Variants in MACROD2 observed in about 807,000 individuals in gnomAD.
The protein encoded by MACROD2 is mono-ADP ribosylhydrolase 2, also known as ADP-ribose glycohydrolase MACROD2.
MACROD2 carries 36 observed loss-of-function variants against 70.4 expected under a neutral mutation model. That is an observed-to-expected ratio of 0.51 (90% CI 0.39 to 0.68). MACROD2 has a LOEUF of 0.68. Among genes scored for constraint, MACROD2 ranks in the 30% least tolerant of loss-of-function variants. MACROD2 has a pLI of 0.00. For missense variants in MACROD2, 496 were observed against 538.4 expected (o/e 0.92, Z 0.78); for synonymous variants, 172 against 178.8 (o/e 0.96, Z 0.30).
intron 8 of MACROD2, among the ~76,000 whole-genome samples, chr20:15,508,954 G>A (rs2146508214): frequency 6.6e-6 from 1 of 152,308 alleles, no homozygotes; most frequent in South Asian, 2.1e-4. Flanking sequence ...AAATGCAATG[G>A]CCACCCATTT....
intron 5 of MACROD2, among the ~76,000 whole-genome samples, chr20:15,006,139 ATATGTGTGTGTGTGTGTGTGTG>A (rs1362993796): frequency 1.1e-5 from 1 of 95,020 alleles, no homozygotes; most frequent in African/African-American, 4.0e-5. Flanking sequence ...TTATATATAT[ATATGTGTGTGTGTGTGTGTGTG>A]TGTGTGTGTG....
intron 3 of MACROD2, among the ~76,000 whole-genome samples, chr20:14,356,697 G>T (rs903371046): frequency 1.3e-5 from 2 of 151,870 alleles, no homozygotes; most frequent in Non-Finnish European, 2.9e-5. Flanking sequence ...TAGAGATGAG[G>T]TTTCACCATG....
chr20:15,912,744 T>C (rs1043224545), intron 10 of MACROD2, among the ~76,000 whole-genome samples: 18 of 152,188 alleles, frequency 1.2e-4, no homozygotes, highest in African/African-American at 4.1e-4. Flanking sequence ...GAACCGAGAA[T>C]AAAAACCAAA....
At chr20:14,427,202 A>G (rs2083943629) in intron 3 of MACROD2, among the ~76,000 whole-genome samples, 1 of 151,392 alleles carries the variant, frequency 6.6e-6, no homozygotes, top group Non-Finnish European at 1.5e-5. Flanking sequence ...GTCTTTCTTT[A>G]CTTGTCATGC....
intron 8 of MACROD2, among the ~76,000 whole-genome samples, chr20:15,673,164 C>T (rs923000602): frequency 6.6e-6 from 1 of 152,074 alleles, no homozygotes; most frequent in African/African-American, 2.4e-5. Flanking sequence ...CAGAATGAAC[C>T]TGATGTATAG....
intron 5 of MACROD2, among the ~76,000 whole-genome samples, chr20:15,014,971 C>T (rs1396038841): frequency 6.6e-6 from 1 of 151,896 alleles, no homozygotes; most frequent in Non-Finnish European, 1.5e-5. Context: ...TCTTCAAAAG[C>T]GAGACCAGCA....
intron 3 of MACROD2, among the ~76,000 whole-genome samples, chr20:14,138,457 G>A (rs1050263123): frequency 1.6e-4 from 25 of 152,130 alleles, no homozygotes; most frequent in Middle Eastern, 6.8e-3. Context: ...TGTTATTTGT[G>A]ACAGTAGTGA....
intron 3 of MACROD2, among the ~76,000 whole-genome samples, chr20:14,480,192 T>C (rs751918386): frequency 8.5e-5 from 13 of 152,198 alleles, no homozygotes; most frequent in Non-Finnish European, 1.6e-4. Context: ...TAATTTAATG[T>C]GACTATTTTA....
rs1324874744 is a variant in MACROD2 at position 15,987,164 on chromosome 20, A to G, written c.1153+6A>G. The G allele has an allele frequency of 1.2e-6, 2 of 1,600,572 alleles. No individual in the cohort carries two copies. The highest frequency in any genetic ancestry group is 3.5e-5 in the Admixed American group (2 of 57,192). On this transcript the variant is annotated splice_donor_region_variant and intron_variant, in intron 15 of 17. Coordinates refer to ENST00000684519, the MANE Select transcript of MACROD2 (RefSeq NM_001351661.2). ...AGAAAAAGAAGGTGAAAAAGGTAGG[A>G]CTGCTCTTAAATTAACCCATCAAGA...
At chr20:15,370,809 C>T (rs1439634412) in intron 6 of MACROD2, among the ~76,000 whole-genome samples, 2 of 151,678 alleles carry the variant, frequency 1.3e-5, no homozygotes, top group Non-Finnish European at 2.9e-5. Context: ...GATGAAAAAT[C>T]AGAACACAGG....
At chr20:15,758,092 G>A (rs1167631290) in intron 8 of MACROD2, among the ~76,000 whole-genome samples, 1 of 151,876 alleles carries the variant, frequency 6.6e-6, no homozygotes, top group African/African-American at 2.4e-5. Context: ...AGGATAGACA[G>A]TTGCTTTAAA....
chr20:14,315,744 C>G (rs1205460663), intron 3 of MACROD2, among the ~76,000 whole-genome samples: 1 of 152,094 alleles, frequency 6.6e-6, no homozygotes, highest in East Asian at 1.9e-4. Flanking sequence ...CAACTACAAA[C>G]TTAAAAAATT....
At chr20:14,412,698 A>G (rs2122869857) in intron 3 of MACROD2, among the ~76,000 whole-genome samples, 1 of 152,270 alleles carries the variant, frequency 6.6e-6, no homozygotes, top group South Asian at 2.1e-4. Context: ...AGGCCTGTTA[A>G]AAAGATTAAA....
At chr20:14,075,591 C>G (rs2053907192) in intron 2 of MACROD2, among the ~76,000 whole-genome samples, 1 of 152,164 alleles carries the variant, frequency 6.6e-6, no homozygotes, top group Non-Finnish European at 1.5e-5. Context: ...TGCTTCTGCT[C>G]CTCCTTCTCC....
At chr20:15,490,167 C>CT (rs1568844408) in intron 7 of MACROD2, among the ~76,000 whole-genome samples, 14 of 135,066 alleles carry the variant, frequency 1.0e-4, no homozygotes, top group South Asian at 2.4e-4. Flanking sequence ...TCCTTCCTTC[C>CT]TCCTTTCCTT....
At chr20:14,718,840 A>G (rs1359460354) in intron 5 of MACROD2, among the ~76,000 whole-genome samples, 1 of 152,206 alleles carries the variant, frequency 6.6e-6, no homozygotes, top group Admixed American at 6.5e-5. Flanking sequence ...TTTTACCTAG[A>G]TTTATTCATT....
chr20:15,631,171 G>A (rs544756147), intron 8 of MACROD2, among the ~76,000 whole-genome samples: 10 of 152,178 alleles, frequency 6.6e-5, no homozygotes, highest in South Asian at 2.1e-4. Context: ...ATCCACATGC[G>A]GGAGGGAAGA....
Position 15,764,216 on chromosome 20 carries a change from A to G in MACROD2, c.646-98529A>G, listed in dbSNP as rs187082414. Among the ~76,000 whole-genome samples, 366 of 152,250 alleles carry G rather than the reference A, an allele frequency of 2.4e-3. 1 individual carries two copies. Among genetic ancestry groups the G allele is most frequent in the African/African-American group, 8.6e-3 (356 of 41,542 alleles). ...TGATATGACCTAGTGTTTATGTTCT[A>G]TTTTGAAGTTCTTCTATGTCTTCTA... is the stretch of plus-strand genomic sequence containing the variant. On this transcript the variant is annotated intron_variant, in intron 8 of 17. Transcript: ENST00000684519.
intron 5 of MACROD2, among the ~76,000 whole-genome samples, chr20:15,021,185 C>T (rs56715078): frequency 0.042 from 3,636 of 87,010 alleles, 518 homozygotes; most frequent in Admixed American, 0.057. Flanking sequence ...TACAGGTGTG[C>T]GTATACACAC....
Sources: gnomAD v4.1 joint callset for allele counts (sites outside exome capture counted in the v4.1 genomes callset) on GRCh38, gnomAD v4.1.1 for gene constraint, MANE v1.5 for transcripts, NCBI Gene and HGNC (gene_info 2026-07-23, HGNC 2026-07-21) for gene names.